Variants in RASGEF1C observed in about 807,000 individuals in gnomAD.
RASGEF1C encodes the protein RasGEF domain family member 1C, also known as ras-GEF domain-containing family member 1C.
A neutral mutation model predicts 58.1 loss-of-function variants in RASGEF1C; 27 were observed. That is an observed-to-expected ratio of 0.46 (90% CI 0.34 to 0.64). The LOEUF (loss-of-function observed/expected upper bound fraction) is 0.64, where lower values mean the gene tolerates loss of function less well. RASGEF1C is among the 30% of genes least tolerant of loss of function. The pLI is 0.01. For missense variants in RASGEF1C, 502 were observed against 605.1 expected (o/e 0.83, Z 1.79); for synonymous variants, 243 against 246.3 (o/e 0.99, Z 0.13).
intron 12 of RASGEF1C, among the ~76,000 whole-genome samples, chr5:180,105,993 CAAAGGGATGA>C (rs960920110): frequency 3.3e-5 from 5 of 152,138 alleles, no homozygotes; most frequent in African/African-American, 1.2e-4. Context: ...AAATGCCGGG[CAAAGGGATGA>C]ATCATGTCCC....
chr5:180,152,000 A>C (rs1766752264), intron 1 of RASGEF1C, among the ~76,000 whole-genome samples: 2 of 150,002 alleles, frequency 1.3e-5, no homozygotes, highest in Non-Finnish European at 3.0e-5. Context: ...AGAGAAATGC[A>C]AATCAAAACC....
intron 5 of RASGEF1C, 43 bp downstream of exon 5, chr5:180,128,367 C>T (rs201059437): frequency 6.4e-7 from 1 of 1,551,006 alleles, no homozygotes; most frequent in Non-Finnish European, 8.9e-7. Flanking sequence ...CTGTGTGTGT[C>T]CTGCTGAATC....
In RASGEF1C at chr5:180,112,946, G is replaced by A. The variant is rs369183370; in HGVS notation, c.1180-1366C>T. On this transcript the variant is annotated intron_variant, in intron 11 of 13. Coordinates refer to ENST00000361132, the MANE Select transcript of RASGEF1C (RefSeq NM_175062.4). Reference sequence around the variant, plus strand: ...GGATCCGGGATGGACGGAGGGACCGGGGATGGACGGAGGGACCGGGGATGG... The same window carrying A: ...GGATCCGGGATGGACGGAGGGACCGAGGATGGACGGAGGGACCGGGGATGG... Among the ~76,000 whole-genome samples the A allele has an allele frequency of 1.2e-3, 146 of 124,018 alleles. No homozygotes were observed. The East Asian group carries it at 0.026, about 22-fold the overall frequency. 81.4% of individuals were successfully genotyped at this position (124,018 alleles called of 152,430 possible).
intron 12 of RASGEF1C, among the ~76,000 whole-genome samples, chr5:180,105,761 G>A (rs947566366): frequency 1.3e-5 from 2 of 152,038 alleles, no homozygotes; most frequent in Non-Finnish European, 2.9e-5. Flanking sequence ...CCAGTGACTT[G>A]GGTGGCTGAG....
intron 1 of RASGEF1C, among the ~76,000 whole-genome samples, chr5:180,208,341 CCA>C (rs1291437829): frequency 1.3e-5 from 2 of 152,140 alleles, no homozygotes; most frequent in Non-Finnish European, 2.9e-5. Flanking sequence ...TCTGTCTTTC[CCA>C]CAGTTTCCCA....
At chr5:180,191,392 T>C (rs1296578590) in intron 1 of RASGEF1C, among the ~76,000 whole-genome samples, 1 of 151,884 alleles carries the variant, frequency 6.6e-6, no homozygotes, top group Non-Finnish European at 1.5e-5. Context: ...AGTCTAGCTC[T>C]GTCGCCCAGG....
At chr5:180,161,422 C>T (rs549274067) in intron 1 of RASGEF1C, among the ~76,000 whole-genome samples, 3 of 152,202 alleles carry the variant, frequency 2.0e-5, no homozygotes, top group African/African-American at 7.2e-5. Context: ...GCGGCAGCCC[C>T]GGCGACACGA....
At chr5:180,103,610 T>C (rs190654172) in intron 12 of RASGEF1C, among the ~76,000 whole-genome samples, 58 of 152,348 alleles carry the variant, frequency 3.8e-4, no homozygotes, top group African/African-American at 1.3e-3. Context: ...GGATTTTTTT[T>C]CCTCATCATC....
intron 7 of RASGEF1C, among the ~76,000 whole-genome samples, 183 bp from the exon 8 acceptor site, chr5:180,119,631 T>C (rs146980341): frequency 1.3e-3 from 199 of 152,200 alleles, no homozygotes; most frequent in African/African-American, 4.3e-3. Context: ...CCCAATGCCA[T>C]AGAGGGCTAG....
chr5:180,160,853 T>G (rs1766929657), intron 1 of RASGEF1C, among the ~76,000 whole-genome samples: 1 of 152,132 alleles, frequency 6.6e-6, no homozygotes, highest in Non-Finnish European at 1.5e-5. Context: ...GAAGGCACTT[T>G]CCTCCGAATG....
chr5:180,115,076 G>A (rs571120112), intron 10 of RASGEF1C, among the ~76,000 whole-genome samples: 2 of 151,906 alleles, frequency 1.3e-5, no homozygotes, highest in South Asian at 4.2e-4. Context: ...GTGCAATGGC[G>A]TGATCTCAGC....
intron 1 of RASGEF1C, among the ~76,000 whole-genome samples, chr5:180,190,342 T>TA: frequency 6.6e-6 from 1 of 151,452 alleles, no homozygotes; most frequent in South Asian, 2.1e-4. Context: ...AACAAAAAAT[T>TA]AGCCGGGCGT....
At chr5:180,207,537 G>T (rs1232833476) in intron 1 of RASGEF1C, among the ~76,000 whole-genome samples, 1 of 152,154 alleles carries the variant, frequency 6.6e-6, no homozygotes, top group African/African-American at 2.4e-5. Flanking sequence ...CCTGAAAAGG[G>T]CCAGGTCCCG....
At chr5:180,112,187 C>T (rs774744087) in intron 11 of RASGEF1C, among the ~76,000 whole-genome samples, 5 of 152,188 alleles carry the variant, frequency 3.3e-5, no homozygotes, top group Non-Finnish European at 7.4e-5. Context: ...CTGGTGTCAC[C>T]TGCGGAGGAG....
rs149114740 is a variant in RASGEF1C, at chr5:180,118,808, C to T, written c.966G>A (p.Thr322=). 0.011 allele frequency: 18,455 copies of T among 1,614,212 alleles called. 128 individuals carry two copies. The highest frequency in any genetic ancestry group is 0.014 in the Non-Finnish European group (16,010 of 1,180,012). Residue 322 remains threonine (T), a synonymous_variant, in exon 9 of 14, where the codon ACG becomes ACA. Coordinates refer to ENST00000361132, the MANE Select transcript of RASGEF1C (RefSeq NM_175062.4). The part of the protein sequence containing the change: ...RLKKTWAKVR[T]AKFFILEHQM... ...TTACCTCGAGGATGAAAAACTTGGC[C>T]GTCCTCACTTTGGCCCAGGTCTTCT...
chr5:180,106,655 T>G (rs1239040798), intron 12 of RASGEF1C, among the ~76,000 whole-genome samples: 1 of 152,228 alleles, frequency 6.6e-6, no homozygotes, highest in Non-Finnish European at 1.5e-5. Flanking sequence ...TCAGTTACTT[T>G]CAATTTGTTT....
intron 1 of RASGEF1C, among the ~76,000 whole-genome samples, chr5:180,140,280 C>T (rs182613090): frequency 7.2e-4 from 109 of 152,326 alleles, no homozygotes; most frequent in South Asian, 1.9e-3. Flanking sequence ...ATCGTATCAC[C>T]AGCTGGGTCC....
At chr5:180,102,693 C>T (rs1326001043) in intron 12 of RASGEF1C, among the ~76,000 whole-genome samples, 1 of 122,184 alleles carries the variant, frequency 8.2e-6, no homozygotes, top group Admixed American at 8.5e-5. Flanking sequence ...TTGTTTTTGT[C>T]AAAAATCACC....
intron 12 of RASGEF1C, among the ~76,000 whole-genome samples, chr5:180,103,003 C>A (rs529009133): frequency 6.6e-6 from 1 of 152,180 alleles, no homozygotes; most frequent in Non-Finnish European, 1.5e-5. Context: ...GAATTAATAC[C>A]TTTGCTATGC....
Sources: gnomAD v4.1 joint callset for allele counts (sites outside exome capture counted in the v4.1 genomes callset) on GRCh38, gnomAD v4.1.1 for gene constraint, MANE v1.5 for transcripts, NCBI Gene and HGNC (gene_info 2026-07-23, HGNC 2026-07-21) for gene names.